Variants in PSMD14 observed in about 807,000 individuals in gnomAD.
PSMD14 encodes proteasome 26S subunit, non-ATPase 14.
In PSMD14, 7 loss-of-function variants were observed where a neutral mutation model predicts 41.2. That is an observed-to-expected ratio of 0.17 (90% CI 0.10 to 0.32). PSMD14 has a LOEUF of 0.32. Among genes scored for constraint, PSMD14 ranks in the 10% least tolerant of loss-of-function variants. The pLI, the probability that PSMD14 is intolerant of heterozygous loss-of-function variation, is 1.00. For missense variants in PSMD14, 139 were observed against 375.6 expected, an observed-to-expected ratio of 0.37 and a Z score of 5.21; for synonymous variants, 114 against 122.3, an observed-to-expected ratio of 0.93 and a Z score of 0.45.
chr2:161,407,970 G>A (rs141371104), intron 10 of PSMD14: 15 of 152,086 alleles, frequency 9.9e-5, no homozygotes, highest in Middle Eastern at 3.4e-3. Flanking sequence ...TCAATAAAGA[G>A]GTTTTATATT....
At chr2:161,341,024 C>T (rs1682948002) in intron 3 of PSMD14, 4 of 1,608,286 alleles carry the variant, frequency 2.5e-6, no homozygotes, top group South Asian at 2.2e-5. Flanking sequence ...CCTCCGCTGG[C>T]GCCGCCGCGG....
chr2:161,324,421 A>T (rs750985383), intron 3 of PSMD14, among the ~76,000 whole-genome samples: 1 of 152,232 alleles, frequency 6.6e-6, no homozygotes, highest in Non-Finnish European at 1.5e-5. Flanking sequence ...AAAATGGGAA[A>T]AATGAGACTA....
intron 3 of PSMD14, among the ~76,000 whole-genome samples, chr2:161,319,233 C>T (rs1320218756): frequency 2.0e-5 from 3 of 151,960 alleles, no homozygotes; most frequent in Non-Finnish European, 2.9e-5. Flanking sequence ...AGCATGTCAT[C>T]CTGCTTGCCA....
intron 1 of PSMD14, among the ~76,000 whole-genome samples, chr2:161,312,740 C>T (rs1015425743): frequency 6.6e-6 from 1 of 152,150 alleles, no homozygotes; most frequent in African/African-American, 2.4e-5. Context: ...TTAGATCCAT[C>T]GACCTTTTTA....
chr2:161,361,245 TTAAAA>T (rs1378902346), intron 3 of PSMD14, among the ~76,000 whole-genome samples: 2 of 152,124 alleles, frequency 1.3e-5, no homozygotes, highest in Non-Finnish European at 2.9e-5. Flanking sequence ...AAATGAAAAA[TTAAAA>T]TAGAATATGT....
intron 2 of PSMD14, among the ~76,000 whole-genome samples, chr2:161,318,241 T>G: frequency 6.6e-6 from 1 of 152,304 alleles, no homozygotes; most frequent in Middle Eastern, 3.4e-3. Context: ...TGTTTAATGT[T>G]TATGCTATAG....
At chr2:161,343,732 G>A (rs1336195915) in intron 3 of PSMD14, among the ~76,000 whole-genome samples, 1 of 152,074 alleles carries the variant, frequency 6.6e-6, no homozygotes, top group Non-Finnish European at 1.5e-5. Context: ...GGAGCCTAAG[G>A]CTGGAGAATC....
intron 8 of PSMD14, among the ~76,000 whole-genome samples, chr2:161,389,886 G>GTTGTTGTTTTTTTTTGTTTTTTTTTT (rs1330059094): frequency 2.7e-4 from 4 of 14,936 alleles, no homozygotes; most frequent in African/African-American, 7.4e-4. Flanking sequence ...TTTCTTTTTT[G>GTTGTTGTTTTTTTTTGTTTTTTTTTT]TTGTTTTTTT....
intron 3 of PSMD14, among the ~76,000 whole-genome samples, chr2:161,332,809 C>G (rs189223519): frequency 6.6e-6 from 1 of 152,328 alleles, no homozygotes; most frequent in East Asian, 1.9e-4. Context: ...TGGGATTACA[C>G]CAGAGTGCTA....
chr2:161,310,502 G>A (rs2059337), intron 1 of PSMD14, among the ~76,000 whole-genome samples: 139,012 of 152,270 alleles, frequency 0.91, 63,502 homozygotes, highest in East Asian at 1. Flanking sequence ...TTGACATTTC[G>A]TATTCTGCTT....
intron 3 of PSMD14, among the ~76,000 whole-genome samples, chr2:161,357,899 T>A (rs1683229744): frequency 9.9e-6 from 1 of 100,972 alleles, no homozygotes; most frequent in East Asian, 2.4e-4. Flanking sequence ...AATGACTTCC[T>A]GTTCTTTTTT....
In PSMD14 at chr2:161,341,008, C is replaced by T. The variant is rs1682947492; in HGVS notation, c.48+22135C>T. On this transcript the variant is annotated intron_variant, in intron 3 of 11. Transcript: ENST00000409682. ...TCCTGCCTCGCCTCCACCGCCTGCT[C>T]CTCCGCCTCCGCTGGCGCCGCCGCG... The T allele has an allele frequency of 5.0e-6, 8 of 1,611,046 alleles. No homozygotes were observed. In the South Asian group the frequency reaches 8.8e-5, roughly 18 times the overall value.
chr2:161,360,629 A>G (rs1213702469), intron 3 of PSMD14, among the ~76,000 whole-genome samples: 6 of 152,172 alleles, frequency 3.9e-5, no homozygotes, highest in Non-Finnish European at 7.3e-5. Flanking sequence ...TGCTGGGATT[A>G]CAGGCATGAG....
rs190330754 is a variant in PSMD14, at chr2:161,345,303, C to T, written c.49-22175C>T. ...TGTCACCCAGGCTGGAGTGCAGTGC[C>T]GTGATCTCAGCTCACTGCAACCTCT... On this transcript the variant is annotated intron_variant, in intron 3 of 11. Transcript: ENST00000409682. Among the ~76,000 whole-genome samples the T allele has an allele frequency of 6.4e-4, 91 of 143,272 alleles. 1 individual carries two copies. The highest frequency in any genetic ancestry group is 2.2e-3 in the African/African-American group (84 of 38,248). The allele number at this position is 143,272 out of a possible 152,430, so 94.0% of individuals were successfully genotyped here. A position where few individuals can be genotyped will look rare whatever the true frequency, so the allele number is the denominator to read the frequency against.
intron 3 of PSMD14, among the ~76,000 whole-genome samples, chr2:161,328,667 A>T (rs1243469082): frequency 6.6e-6 from 1 of 152,148 alleles, no homozygotes; most frequent in Non-Finnish European, 1.5e-5. Flanking sequence ...TGTTGAGTCC[A>T]TGAGATGTAT....
chr2:161,325,471 G>C (rs1050231296), intron 3 of PSMD14, among the ~76,000 whole-genome samples: 5 of 152,076 alleles, frequency 3.3e-5, no homozygotes, highest in African/African-American at 1.2e-4. Flanking sequence ...TCAGGTTTTG[G>C]TCTAATGTTT....
chr2:161,322,901 A>T (rs1682629830), intron 3 of PSMD14, among the ~76,000 whole-genome samples: 1 of 152,104 alleles, frequency 6.6e-6, no homozygotes, highest in South Asian at 2.1e-4. Context: ...TCTAAATAGG[A>T]GGTGACTTTT....
At position 161,385,577 on chromosome 2, in the gene PSMD14, G is replaced by T. The variant is rs757616434; in HGVS notation, c.570+6G>T. ...TAAACAAGCCATCTATCCAGGTATT[G>T]CCTATATTTGATAATGTGTTAAAAC... On this transcript the variant is annotated splice_donor_region_variant and intron_variant, in intron 8 of 11. Transcript: ENST00000409682. The T allele has an allele frequency of 3.2e-6, 5 of 1,546,788 alleles. No individual in the cohort carries two copies. Among genetic ancestry groups the T allele is most frequent in the Non-Finnish European group, 8.9e-7 (1 of 1,121,112 alleles).
At chr2:161,387,054 CATT>C (rs1385627923) in intron 8 of PSMD14, among the ~76,000 whole-genome samples, 2 of 151,950 alleles carry the variant, frequency 1.3e-5, no homozygotes, top group African/African-American at 4.8e-5. Context: ...ACTACAGCAT[CATT>C]ATTTTTCCTT....
Sources: gnomAD v4.1 joint callset for allele counts (sites outside exome capture counted in the v4.1 genomes callset) on GRCh38, gnomAD v4.1.1 for gene constraint, MANE v1.5 for transcripts, NCBI Gene and HGNC (gene_info 2026-07-23, HGNC 2026-07-21) for gene names.